DAPK2: variants seen among roughly 807,000 people sequenced by gnomAD.
The protein encoded by DAPK2 is death associated protein kinase 2, also known as death-associated protein kinase 2.
Under a neutral mutation model 44.1 loss-of-function variants are expected in DAPK2, and 35 were observed. The ratio of observed to expected loss-of-function variants is 0.79; its 90% CI spans 0.61 to 1.05. The LOEUF (loss-of-function observed/expected upper bound fraction) is 1.05. DAPK2 is among the 50% of genes least tolerant of loss of function. The pLI, the probability that DAPK2 is intolerant of heterozygous loss-of-function variation, is 0.00. For missense variants in DAPK2, 453 were observed against 483.2 expected (o/e 0.94, Z 0.59); for synonymous variants, 174 against 182.6 (o/e 0.95, Z 0.38).
intron 1 of DAPK2, among the ~76,000 whole-genome samples, chr15:64,015,316 C>G (rs2079495255): frequency 1.3e-5 from 2 of 151,210 alleles, no homozygotes; most frequent in South Asian, 4.3e-4. Context: ...CAGAGCTGCT[C>G]TGTGAGCTCT....
In DAPK2 at chr15:63,922,805, G is replaced by C. The variant is rs753337396; in HGVS notation, c.858+2011C>G. The C allele has an allele frequency of 8.5e-6, 13 of 1,535,830 alleles. No individual in the cohort carries two copies. In the South Asian group the frequency reaches 1.5e-4, roughly 18 times the overall value. ...GAGCAGCTCTGACAGGGATTCACTG[G>C]TGTCCTGGTAGAATGTGGAGCCCAG... On this transcript the variant is annotated intron_variant, in intron 8 of 10. Transcript: ENST00000261891.
At chr15:64,007,405 C>A (rs2079263109) in intron 1 of DAPK2, among the ~76,000 whole-genome samples, 1 of 152,052 alleles carries the variant, frequency 6.6e-6, no homozygotes. Context: ...CCTATCATGG[C>A]AATCTGTCCC....
chr15:63,929,882 G>T (rs964026257), intron 5 of DAPK2: 2 of 548,470 alleles, frequency 3.6e-6, no homozygotes, highest in Non-Finnish European at 7.0e-6. Context: ...CTTGTAAAAT[G>T]AGGATAATGA....
At chr15:63,934,731 G>A (rs1322739164) in intron 4 of DAPK2, among the ~76,000 whole-genome samples, 1 of 151,894 alleles carries the variant, frequency 6.6e-6, no homozygotes, top group East Asian at 1.9e-4. Flanking sequence ...CTAATTTTTT[G>A]TATTTTTAGT....
chr15:63,999,460 G>A (rs1385625502), intron 1 of DAPK2, among the ~76,000 whole-genome samples: 1 of 152,110 alleles, frequency 6.6e-6, no homozygotes, highest in Non-Finnish European at 1.5e-5. Flanking sequence ...GCTTGCCCAA[G>A]GTCACAAAGC....
chr15:63,999,005 A>G (rs2079018561), intron 1 of DAPK2, among the ~76,000 whole-genome samples: 2 of 152,122 alleles, frequency 1.3e-5, no homozygotes, highest in African/African-American at 4.8e-5. Flanking sequence ...GTGCTCTTGG[A>G]GGGCAGGGCT....
chr15:64,000,059 C>T (rs569224827), intron 1 of DAPK2, among the ~76,000 whole-genome samples: 2 of 152,136 alleles, frequency 1.3e-5, no homozygotes, highest in Admixed American at 1.3e-4. Flanking sequence ...CCACCACACC[C>T]GATCAATAAC....
rs1265932023 is a variant in DAPK2 at position 63,977,030 on chromosome 15, A to AGCAGCAAAG, written c.315-5470_315-5469insCTTTGCTGC. On this transcript the variant is annotated intron_variant, in intron 2 of 10. Coordinates refer to ENST00000261891, the Ensembl canonical transcript of DAPK2. Reference sequence around the variant, plus strand: ...AACACCATGAGGAAGGAACAAGTCTAATCCAGACTGTGAAACAGGACAAGT... The same window carrying AGCAGCAAAG: ...AACACCATGAGGAAGGAACAAGTCTAGCAGCAAAGATCCAGACTGTGAAACAGGACAAGT... 2.3e-4 allele frequency among the ~76,000 whole-genome samples: 35 copies of AGCAGCAAAG among 152,346 alleles called. 1 individual carries two copies. The highest frequency in any genetic ancestry group is 1.6e-3 in the Admixed American group (25 of 15,288).
intron 1 of DAPK2, among the ~76,000 whole-genome samples, chr15:64,029,522 C>T (rs1595912056): frequency 6.6e-6 from 1 of 152,158 alleles, no homozygotes; most frequent in East Asian, 1.9e-4. Flanking sequence ...CTTCCTCCTC[C>T]GATCTCCTGG....
At chr15:63,927,643 A>G (rs1971931) in intron 6 of DAPK2, among the ~76,000 whole-genome samples, 151,480 of 152,316 alleles carry the variant, frequency 0.99, 75,331 homozygotes, top group Non-Finnish European at 1. Flanking sequence ...TCAGTATCCT[A>G]GTGCCTGGTA....
At chr15:63,956,427 A>C (rs2077724964) in intron 3 of DAPK2, among the ~76,000 whole-genome samples, 1 of 151,792 alleles carries the variant, frequency 6.6e-6, no homozygotes, top group Admixed American at 6.6e-5. Flanking sequence ...TTTTTCAAGA[A>C]ATTTTTCAAT....
chr15:63,972,974 G>A (rs1384455401), intron 2 of DAPK2, among the ~76,000 whole-genome samples: 2 of 152,212 alleles, frequency 1.3e-5, no homozygotes, highest in African/African-American at 4.8e-5. Flanking sequence ...TATTGTCCAA[G>A]ACAATGGAAG....
At position 64,002,916 on chromosome 15, in the gene DAPK2, C is replaced by CTGTGTGTGTGTGTGTG. The variant is rs3056849; in HGVS notation, c.93-19178_93-19163dup. On this transcript the variant is annotated intron_variant, in intron 1 of 10. Coordinates refer to ENST00000261891, the Ensembl canonical transcript of DAPK2. ...AGGGAGGGAGAGAAAGACTGAGACA[C>CTGTGTGTGTGTGTGTG]TGTGTGTGTGTGTGTGTGTGTGTGT... Among the ~76,000 whole-genome samples the CTGTGTGTGTGTGTGTG allele has an allele frequency of 2.7e-3, 235 of 86,116 alleles. 4 individuals are homozygous for CTGTGTGTGTGTGTGTG. Among genetic ancestry groups the CTGTGTGTGTGTGTGTG allele is most frequent in the Non-Finnish European group, 3.6e-3 (162 of 44,478 alleles). The allele number at this position is 86,116 out of a possible 152,430, so 56.5% of individuals were successfully genotyped here.
At chr15:63,960,412 T>TA (rs1447635445) in intron 3 of DAPK2, among the ~76,000 whole-genome samples, 2 of 152,224 alleles carry the variant, frequency 1.3e-5, no homozygotes, top group Non-Finnish European at 2.9e-5. Context: ...GTGTTTGCTC[T>TA]TGCTTCTCTA....
chr15:64,009,342 C>A (rs1355261682), intron 1 of DAPK2, among the ~76,000 whole-genome samples: 3 of 152,132 alleles, frequency 2.0e-5, no homozygotes, highest in Non-Finnish European at 4.4e-5. Context: ...CACCCACACA[C>A]CCAATCCACA....
intron 1 of DAPK2, among the ~76,000 whole-genome samples, chr15:63,997,656 A>G (rs1567262601): frequency 6.6e-6 from 1 of 152,246 alleles, no homozygotes; most frequent in East Asian, 1.9e-4. Context: ...AATGGACCCT[A>G]GCCTCTAAAA....
At chr15:63,961,555 C>T (rs1442974175) in intron 3 of DAPK2, among the ~76,000 whole-genome samples, 4 of 152,182 alleles carry the variant, frequency 2.6e-5, no homozygotes, top group Non-Finnish European at 5.9e-5. Context: ...CAACATCTCT[C>T]AGCATTTGTT....
rs369521840 is a variant in DAPK2, at chr15:63,924,809, C to T, written c.858+7G>A. ...TTGCCCATTGGAACTCATGGCTGTG[C>T]CCTTACCGTGATCCAGGGGTGTCTG... On this transcript the variant is annotated splice_region_variant and intron_variant, in intron 8 of 10. Coordinates refer to ENST00000261891, the Ensembl canonical transcript of DAPK2. The T allele has an allele frequency of 5.8e-5, 93 of 1,613,978 alleles. No homozygotes were observed. The highest frequency in any genetic ancestry group is 7.8e-5 in the Non-Finnish European group (92 of 1,179,980).
chr15:64,009,364 C>G (rs2079324085), intron 1 of DAPK2, among the ~76,000 whole-genome samples: 1 of 152,158 alleles, frequency 6.6e-6, no homozygotes, highest in Non-Finnish European at 1.5e-5. Flanking sequence ...CCCACATTCC[C>G]CAGTATATTG....
Sources: allele counts gnomAD v4.1 joint callset (sites outside exome capture counted in the v4.1 genomes callset), GRCh38; gene constraint gnomAD v4.1.1; transcripts MANE v1.5; gene names NCBI Gene and HGNC (gene_info 2026-07-23, HGNC 2026-07-21).